Variants in MALRD1 observed in about 807,000 individuals in gnomAD.
MALRD1 encodes MAM and LDL-receptor class A domain-containing protein 1.
A neutral mutation model predicts 242.1 loss-of-function variants in MALRD1; 247 were observed. The ratio of observed to expected loss-of-function variants is 1.02; its 90% CI spans 0.92 to 1.13. The LOEUF (loss-of-function observed/expected upper bound fraction) is 1.13, where lower values mean the gene tolerates loss of function less well. Among genes scored for constraint, MALRD1 ranks in the 50% most tolerant of loss-of-function variants. The pLI is 0.00. For synonymous variants in MALRD1, 995 were observed against 866.6 expected (o/e 1.15, Z -2.60); for missense variants, 2,989 against 2,533.1 (o/e 1.18, Z -3.86).
At chr10:19,578,794 T>G (rs1381377873) in intron 33 of MALRD1, among the ~76,000 whole-genome samples, 1 of 151,944 alleles carries the variant, frequency 6.6e-6, no homozygotes, top group Non-Finnish European at 1.5e-5. Context: ...CCTTCCTTCC[T>G]CTTCTGATGG....
At chr10:19,499,661 A>T (rs932349656) in intron 31 of MALRD1, among the ~76,000 whole-genome samples, 1 of 152,182 alleles carries the variant, frequency 6.6e-6, no homozygotes, top group Non-Finnish European at 1.5e-5. Context: ...TTCTCAGGAG[A>T]ACCCTAACCA....
At chr10:19,673,104 C>T (rs1471528131) in intron 36 of MALRD1, among the ~76,000 whole-genome samples, 1 of 152,012 alleles carries the variant, frequency 6.6e-6, no homozygotes, top group African/African-American at 2.4e-5. Flanking sequence ...TGCCTTTGGT[C>T]GGGCGCAGTG....
chr10:19,144,710 T>TG (rs999889433), intron 10 of MALRD1, among the ~76,000 whole-genome samples: 24 of 152,228 alleles, frequency 1.6e-4, no homozygotes, highest in Admixed American at 1.0e-3. Context: ...TATGAGCTTT[T>TG]GGTGTCAGAC....
At chr10:19,617,366 A>G (rs1317431890) in intron 36 of MALRD1, among the ~76,000 whole-genome samples, 6 of 152,052 alleles carry the variant, frequency 3.9e-5, no homozygotes, top group African/African-American at 1.4e-4. Context: ...AAGTCAATCA[A>G]ATATCCTAAA....
chr10:19,124,682 AAT>A lies in MALRD1; in HGVS notation c.943+14_943+15del. 8.1e-7 allele frequency: 1 copy of A among 1,233,492 alleles called. No individual in the cohort carries two copies. The allele number at this position is 1,233,492 out of a possible 1,614,324, so 76.4% of individuals were successfully genotyped here. A position where few individuals can be genotyped will look rare whatever the true frequency, so the allele number is the denominator to read the frequency against. ...AGGTGATGATGAAGGTAGAAAAAAAAATAATATCTTTTATGTATTACTTTCAG... is the reference window on the plus strand; with the variant it reads ...AGGTGATGATGAAGGTAGAAAAAAAAAATATCTTTTATGTATTACTTTCAG... On this transcript the variant is annotated intron_variant, in intron 7 of 39. Transcript: ENST00000454679.
At chr10:19,138,466 G>A (rs1396616332) in intron 10 of MALRD1, among the ~76,000 whole-genome samples, 5 of 150,074 alleles carry the variant, frequency 3.3e-5, no homozygotes, top group Non-Finnish European at 5.9e-5. Flanking sequence ...TGTCACCCAG[G>A]CTGGAGTGCA....
chr10:19,309,772 C>CAGA lies in MALRD1; in HGVS notation c.3420-14176_3420-14175insGAA, dbSNP rs1842353728. On this transcript the variant is annotated intron_variant, in intron 21 of 39. Transcript: ENST00000454679. The stretch of plus-strand genomic sequence containing the variant: ...TAACCTGTGACAGAATGGTAGGCTC[C>CAGA]ATGGGGAAAAATGAGATAGGTAAAG... 6.6e-5 allele frequency among the ~76,000 whole-genome samples: 10 copies of CAGA among 151,512 alleles called. No individual in the cohort carries two copies. The South Asian group carries it at 2.1e-3, about 31-fold the overall frequency.
At chr10:19,641,059 G>C (rs1016528724) in intron 36 of MALRD1, among the ~76,000 whole-genome samples, 22 of 152,086 alleles carry the variant, frequency 1.4e-4, no homozygotes, top group Admixed American at 1.4e-3. Context: ...AGGCTTAAAT[G>C]AGTGAAAAAG....
intron 18 of MALRD1, among the ~76,000 whole-genome samples, chr10:19,252,564 G>A (rs1275214349): frequency 6.6e-6 from 1 of 151,920 alleles, no homozygotes; most frequent in African/African-American, 2.4e-5. Context: ...AACAGATTTG[G>A]TAGACATCAT....
chr10:19,135,593 G>T (rs545080073), intron 9 of MALRD1, among the ~76,000 whole-genome samples: 12 of 152,120 alleles, frequency 7.9e-5, no homozygotes, highest in South Asian at 4.1e-4. Flanking sequence ...CTGCCTAATG[G>T]AAATGCTTTA....
intron 28 of MALRD1, among the ~76,000 whole-genome samples, chr10:19,438,107 C>T (rs1335834040): frequency 6.6e-6 from 1 of 152,036 alleles, no homozygotes; most frequent in Non-Finnish European, 1.5e-5. Flanking sequence ...ACCCATTACA[C>T]TCTAACTCTT....
chr10:19,674,423 T>G (rs1842053833), intron 36 of MALRD1, among the ~76,000 whole-genome samples: 1 of 152,118 alleles, frequency 6.6e-6, no homozygotes, highest in Admixed American at 6.5e-5. Flanking sequence ...AACCTCCTTG[T>G]TTTCCCAAGA....
chr10:19,158,758 A>G (rs1036437783), intron 12 of MALRD1, among the ~76,000 whole-genome samples: 1 of 152,188 alleles, frequency 6.6e-6, no homozygotes, highest in Non-Finnish European at 1.5e-5. Flanking sequence ...ACTGACAGCA[A>G]TTCAGTGTAA....
chr10:19,077,218 AT>A (rs1835345152), intron 2 of MALRD1, among the ~76,000 whole-genome samples: 1 of 151,988 alleles, frequency 6.6e-6, no homozygotes, highest in African/African-American at 2.4e-5. Flanking sequence ...GTGACAATCC[AT>A]TATACTCTCA....
At chr10:19,520,946 C>T (rs1357421702) in intron 31 of MALRD1, among the ~76,000 whole-genome samples, 3 of 152,132 alleles carry the variant, frequency 2.0e-5, no homozygotes, top group African/African-American at 7.2e-5. Flanking sequence ...GTATATTTGT[C>T]TACATTTATT....
chr10:19,272,765 A>G (rs1840314920), intron 19 of MALRD1, among the ~76,000 whole-genome samples: 1 of 152,078 alleles, frequency 6.6e-6, no homozygotes, highest in Non-Finnish European at 1.5e-5. Context: ...TCCCACTGTG[A>G]GTGAGAACAT....
intron 18 of MALRD1, among the ~76,000 whole-genome samples, chr10:19,256,233 T>G (rs962880926): frequency 6.6e-6 from 1 of 152,098 alleles, no homozygotes; most frequent in African/African-American, 2.4e-5. Flanking sequence ...GGGATTTACA[T>G]GTATGGGTAC....
At chr10:19,306,217 CACATACTATATATACT>C (rs1294847466) in intron 21 of MALRD1, among the ~76,000 whole-genome samples, 16 of 130,156 alleles carry the variant, frequency 1.2e-4, no homozygotes, top group African/African-American at 4.0e-4. Context: ...TATATACACA[CACATACTATATATACT>C]ATACTATATA....
intron 21 of MALRD1, among the ~76,000 whole-genome samples, chr10:19,323,618 T>G (rs1842992325): frequency 6.6e-6 from 1 of 152,184 alleles, no homozygotes; most frequent in Non-Finnish European, 1.5e-5. Context: ...AGTATTCTTC[T>G]TCTTTTTGAG....
Sources: allele counts gnomAD v4.1 joint callset (sites outside exome capture counted in the v4.1 genomes callset), GRCh38; gene constraint gnomAD v4.1.1; transcripts MANE v1.5; gene names NCBI Gene and HGNC (gene_info 2026-07-23, HGNC 2026-07-21).